ZMAT4: variants seen among roughly 807,000 people sequenced by gnomAD.
ZMAT4 encodes zinc finger matrin-type protein 4.
ZMAT4 carries 17 observed loss-of-function variants against 28.7 expected under a neutral mutation model. The observed-to-expected ratio is 0.59, with a 90% CI of 0.41 to 0.89. ZMAT4 has a LOEUF of 0.89. Ranked by LOEUF, ZMAT4 falls within the 40% of genes least tolerant of loss-of-function variation. The pLI, the probability that ZMAT4 is intolerant of heterozygous loss-of-function variation, is 0.00. For synonymous variants in ZMAT4, 117 were observed against 109.2 expected, an observed-to-expected ratio of 1.07 and a Z score of -0.44; for missense variants, 240 against 283.8, an observed-to-expected ratio of 0.85 and a Z score of 1.11.
intron 1 of ZMAT4, among the ~76,000 whole-genome samples, chr8:40,868,775 T>C (rs1236876205): frequency 1.3e-5 from 2 of 152,208 alleles, no homozygotes; most frequent in Non-Finnish European, 2.9e-5. Flanking sequence ...TGCCTGCCCG[T>C]GCCTCTCCAC....
At chr8:40,759,963 C>A (rs772983252) in intron 3 of ZMAT4, among the ~76,000 whole-genome samples, 2 of 152,160 alleles carry the variant, frequency 1.3e-5, no homozygotes, top group Non-Finnish European at 2.9e-5. Flanking sequence ...TATCTGTCCC[C>A]ACTAACAAAT....
chr8:40,609,836 A>C (rs1192538213), intron 5 of ZMAT4, among the ~76,000 whole-genome samples: 1 of 152,010 alleles, frequency 6.6e-6, no homozygotes, highest in Non-Finnish European at 1.5e-5. Context: ...GTTTCTTTTG[A>C]GGAGATACTC....
At chr8:40,827,782 A>G (rs556884537) in intron 1 of ZMAT4, among the ~76,000 whole-genome samples, 6 of 152,310 alleles carry the variant, frequency 3.9e-5, no homozygotes, top group African/African-American at 1.2e-4. Context: ...CTGTGCCTGC[A>G]GGTTCACCTC....
intron 3 of ZMAT4, among the ~76,000 whole-genome samples, chr8:40,703,017 A>G (rs1810210914): frequency 6.6e-6 from 1 of 151,360 alleles, no homozygotes; most frequent in Non-Finnish European, 1.5e-5. Flanking sequence ...AATTTACTAT[A>G]TATATATATA....
At chr8:40,572,265 C>G (rs1017657805) in intron 6 of ZMAT4, among the ~76,000 whole-genome samples, 13 of 151,978 alleles carry the variant, frequency 8.6e-5, no homozygotes, top group Middle Eastern at 3.4e-3. Flanking sequence ...CAAGTACTTC[C>G]CAAATAAATG....
chr8:40,736,710 G>T (rs904505746), intron 3 of ZMAT4, among the ~76,000 whole-genome samples: 2 of 152,190 alleles, frequency 1.3e-5, no homozygotes, highest in African/African-American at 2.4e-5. Context: ...AGGAAGGCTC[G>T]TGAAGTAATG....
chr8:40,621,753 T>C (rs1806207399), intron 5 of ZMAT4, among the ~76,000 whole-genome samples: 1 of 152,204 alleles, frequency 6.6e-6, no homozygotes, highest in Admixed American at 6.5e-5. Context: ...GATTTTTCTC[T>C]TTGTGAAATG....
rs115022491 is a variant in ZMAT4 at position 40,839,388 on chromosome 8, G to A, written c.-4-13708C>T. ...GGCAAAGCCCAGAGGTTTGTGAGAC[G>A]TGAAGATGTTAAGGTCAAATTGGAA... On this transcript the variant is annotated intron_variant, in intron 1 of 6. Coordinates refer to ENST00000297737, the MANE Select transcript of ZMAT4 (RefSeq NM_024645.3). 1.6e-3 allele frequency among the ~76,000 whole-genome samples: 245 copies of A among 152,334 alleles called. 3 individuals carry two copies. Among genetic ancestry groups the A allele is most frequent in the African/African-American group, 5.6e-3 (231 of 41,572 alleles).
chr8:40,573,723 C>T (rs755138425), intron 6 of ZMAT4, among the ~76,000 whole-genome samples: 1 of 152,140 alleles, frequency 6.6e-6, no homozygotes, highest in Non-Finnish European at 1.5e-5. Context: ...AATTTTAAAG[C>T]TATAGTTAGG....
At chr8:40,635,864 G>A (rs903468493) in intron 5 of ZMAT4, among the ~76,000 whole-genome samples, 5 of 152,232 alleles carry the variant, frequency 3.3e-5, no homozygotes, top group Non-Finnish European at 4.4e-5. Flanking sequence ...ATTTTAAAAG[G>A]ACAGCTTTTA....
intron 3 of ZMAT4, among the ~76,000 whole-genome samples, chr8:40,709,020 T>G (rs906262097): frequency 2.6e-5 from 4 of 152,156 alleles, no homozygotes; most frequent in African/African-American, 9.7e-5. Flanking sequence ...GCAGTCATCC[T>G]TCAGTATCCA....
chr8:40,644,530 A>C (rs1807210849), intron 5 of ZMAT4, among the ~76,000 whole-genome samples: 1 of 152,238 alleles, frequency 6.6e-6, no homozygotes, highest in Admixed American at 6.5e-5. Context: ...ATTATAGTAT[A>C]AACTATAAAA....
intron 3 of ZMAT4, among the ~76,000 whole-genome samples, chr8:40,743,837 G>T (rs1039642538): frequency 1.3e-5 from 2 of 152,196 alleles, no homozygotes; most frequent in Admixed American, 1.3e-4. Flanking sequence ...CACGGAGAAG[G>T]AGCGGCTGAT....
intron 2 of ZMAT4, among the ~76,000 whole-genome samples, chr8:40,792,719 G>T (rs1307755728): frequency 1.3e-5 from 1 of 75,272 alleles, no homozygotes; most frequent in Non-Finnish European, 2.7e-5. Context: ...GAGGAGGTGG[G>T]GAGGGGAGGA....
At chr8:40,610,003 A>G (rs1805736952) in intron 5 of ZMAT4, among the ~76,000 whole-genome samples, 1 of 152,228 alleles carries the variant, frequency 6.6e-6, no homozygotes, top group Admixed American at 6.5e-5. Context: ...TTTGATCTTT[A>G]CAATTGTTAG....
At chr8:40,533,007 G>A (rs765756154) in intron 6 of ZMAT4, among the ~76,000 whole-genome samples, 3 of 151,898 alleles carry the variant, frequency 2.0e-5, no homozygotes, top group Non-Finnish European at 4.4e-5. Context: ...ATTCTTTCTG[G>A]CCTTACTTGC....
At chr8:40,793,194 G>T (rs1814437050) in intron 2 of ZMAT4, among the ~76,000 whole-genome samples, 2 of 152,152 alleles carry the variant, frequency 1.3e-5, no homozygotes, top group South Asian at 4.1e-4. Flanking sequence ...TGGTGAGAGG[G>T]GGGTACATGG....
chr8:40,792,876 T>TA (rs551472983), intron 2 of ZMAT4, among the ~76,000 whole-genome samples: 313 of 151,894 alleles, frequency 2.1e-3, no homozygotes, highest in Non-Finnish European at 3.7e-3. Context: ...TATATGATAC[T>TA]AGCTATATAA....
intron 6 of ZMAT4, among the ~76,000 whole-genome samples, chr8:40,574,811 T>C (rs1243701174): frequency 6.6e-6 from 1 of 152,176 alleles, no homozygotes; most frequent in Non-Finnish European, 1.5e-5. Flanking sequence ...CAGACACCTG[T>C]AGTTCTTACT....
Sources: gnomAD v4.1 joint callset for allele counts (sites outside exome capture counted in the v4.1 genomes callset) on GRCh38, gnomAD v4.1.1 for gene constraint, MANE v1.5 for transcripts, NCBI Gene and HGNC (gene_info 2026-07-23, HGNC 2026-07-21) for gene names.